SLC9D1: variants seen among roughly 807,000 people sequenced by gnomAD.
SLC9D1 encodes putative LAG1-interacting protein.
the SLC9D1 span, chr13:113,511,945 G>A: frequency 6.6e-6 from 1 of 151,180 alleles, no homozygotes; most frequent in Non-Finnish European, 1.5e-5. Context: ...AGTCACGGAG[G>A]CCGGGACTGG....
At chr13:113,522,414 C>T in the SLC9D1 span, among the ~76,000 whole-genome samples, 1 of 152,194 alleles carries the variant, frequency 6.6e-6, no homozygotes, top group Non-Finnish European at 1.5e-5. Context: ...GATCTGGGCT[C>T]ACTGCAAGCT....
the SLC9D1 span, among the ~76,000 whole-genome samples, chr13:113,518,818 C>T: frequency 3.9e-5 from 6 of 152,216 alleles, no homozygotes; most frequent in African/African-American, 7.2e-5. Context: ...AACAGCTTAA[C>T]GTCATCGTCT....
chr13:113,513,137 A>T, the SLC9D1 span, among the ~76,000 whole-genome samples: 4 of 152,194 alleles, frequency 2.6e-5, no homozygotes, highest in East Asian at 7.7e-4. Context: ...TGGTTTAAAA[A>T]GGAACAGCAA....
At chr13:113,496,866 G>A in the SLC9D1 span, among the ~76,000 whole-genome samples, 1 of 152,234 alleles carries the variant, frequency 6.6e-6, no homozygotes, top group Non-Finnish European at 1.5e-5. Context: ...CCTGTGTACA[G>A]TGGAGACGTG....
the SLC9D1 span, chr13:113,510,332 C>T: frequency 7.0e-5 from 113 of 1,614,208 alleles, no homozygotes; most frequent in South Asian, 1.0e-3. Context: ...ATCAAACCCA[C>T]GCAGAGCGTC....
At chr13:113,528,416 T>A in the SLC9D1 span, 1 of 152,258 alleles carries the variant, frequency 6.6e-6, no homozygotes, top group South Asian at 2.1e-4. Context: ...TTGCCAGATC[T>A]TCTGTTACAT....
the SLC9D1 span, among the ~76,000 whole-genome samples, chr13:113,545,577 C>T: frequency 6.6e-5 from 10 of 152,216 alleles, no homozygotes; most frequent in Non-Finnish European, 1.0e-4. Flanking sequence ...ACCCCCACTC[C>T]GCCCCCAGGG....
At chr13:113,516,965 G>A in the SLC9D1 span, among the ~76,000 whole-genome samples, 1 of 152,318 alleles carries the variant, frequency 6.6e-6, no homozygotes, top group Admixed American at 6.5e-5. Flanking sequence ...CACAAGCAGC[G>A]TTGGCCTCCA....
At chr13:113,514,084 T>C in the SLC9D1 span, among the ~76,000 whole-genome samples, 1 of 152,158 alleles carries the variant, frequency 6.6e-6, no homozygotes, top group Non-Finnish European at 1.5e-5. Context: ...ATAGAAAATA[T>C]CCTTATAACC....
the SLC9D1 span, chr13:113,548,447 C>A: frequency 6.2e-7 from 1 of 1,605,084 alleles, no homozygotes; most frequent in Middle Eastern, 2.2e-4. Context: ...CGTCATCTCT[C>A]GGGAGGTGAG....
the SLC9D1 span, among the ~76,000 whole-genome samples, chr13:113,509,215 GACT>G: frequency 1.3e-5 from 2 of 150,196 alleles, no homozygotes; most frequent in African/African-American, 2.5e-5. Flanking sequence ...TGTATGTTGG[GACT>G]GGCGGGCTTG....
At chr13:113,497,966 A>G in the SLC9D1 span, among the ~76,000 whole-genome samples, 1 of 152,240 alleles carries the variant, frequency 6.6e-6, no homozygotes, top group Non-Finnish European at 1.5e-5. Context: ...TTGCATTTAG[A>G]TAGTAGCTCC....
At chr13:113,535,921 A>G in the SLC9D1 span, among the ~76,000 whole-genome samples, 3,653 of 150,884 alleles carry the variant, frequency 0.024, 125 homozygotes, top group African/African-American at 0.073. The surrounding 1 kb of genome is among the most constrained non-coding windows in gnomAD (Gnocchi z 4.1). Context: ...CTGGGGAGGG[A>G]CTGGGGATGG....
the SLC9D1 span, chr13:113,529,598 T>A: frequency 6.6e-6 from 1 of 151,626 alleles, no homozygotes; most frequent in Non-Finnish European, 1.5e-5. Flanking sequence ...TGCAGTGAGC[T>A]GAGATCACGA....
At chr13:113,501,571 T>C in the SLC9D1 span, among the ~76,000 whole-genome samples, 16 of 152,294 alleles carry the variant, frequency 1.1e-4, no homozygotes, top group Admixed American at 9.8e-4. Context: ...CAGAATACAC[T>C]CTTCATATTT....
chr13:113,549,629 C>T, the SLC9D1 span: 1 of 1,517,936 alleles, frequency 6.6e-7, no homozygotes, highest in African/African-American at 1.4e-5. Context: ...GAAGCTCGCA[C>T]CTTGGCAACA....
chr13:113,495,819 A>G, the SLC9D1 span: 24 of 1,614,084 alleles, frequency 1.5e-5, no homozygotes, highest in African/African-American at 2.4e-4. Flanking sequence ...AGCAGTGGAG[A>G]AAGACGTGGG....
chr13:113,535,356 G>C, the SLC9D1 span: 1 of 151,992 alleles, frequency 6.6e-6, no homozygotes, highest in African/African-American at 2.4e-5. This position sits in a 1 kb window ranked among gnomAD's most constrained non-coding sequence, Gnocchi z 4.1. Flanking sequence ...GACCCCCATA[G>C]AGTCTCAGTA....
chr13:113,494,458 C>T, the SLC9D1 span, among the ~76,000 whole-genome samples: 2 of 152,150 alleles, frequency 1.3e-5, no homozygotes, highest in South Asian at 2.1e-4. Context: ...CTCATCACCA[C>T]CTGGACACCA....
Sources: allele counts gnomAD v4.1 joint callset (sites outside exome capture counted in the v4.1 genomes callset), GRCh38; gene constraint gnomAD v4.1.1; non-coding constraint Gnocchi (gnomAD v3.1); transcripts MANE v1.5; gene names NCBI Gene and HGNC (gene_info 2026-07-23, HGNC 2026-07-21).